Variants in VAT1L observed in about 807,000 individuals in gnomAD.
The protein encoded by VAT1L is vesicle amine transport 1 like, also known as putative NADPH-dependent quinone oxidoreductase VAT1L.
A neutral mutation model predicts 44.1 loss-of-function variants in VAT1L; 34 were observed. The observed-to-expected ratio is 0.77, with a 90% confidence interval of 0.59 to 1.03. The LOEUF is 1.03. Ranked by LOEUF, VAT1L falls within the 50% of genes least tolerant of loss-of-function variation. The pLI is 0.00. For missense variants in VAT1L, 615 were observed against 538.8 expected (o/e 1.14, Z -1.40); for synonymous variants, 253 against 202.2 (o/e 1.25, Z -2.13).
intron 3 of VAT1L, among the ~76,000 whole-genome samples, chr16:77,852,437 GT>G (rs1304017763): frequency 6.6e-6 from 1 of 152,232 alleles, no homozygotes; most frequent in African/African-American, 2.4e-5. Context: ...TATGTGGGGA[GT>G]GGGAGTCATT....
intron 7 of VAT1L, among the ~76,000 whole-genome samples, chr16:77,969,657 C>G (rs964457692): frequency 1.3e-5 from 2 of 152,050 alleles, no homozygotes; most frequent in African/African-American, 4.8e-5. Context: ...TGTATCATCA[C>G]TTTTGCTCTA....
At chr16:77,840,796 A>T (rs1202540442) in intron 3 of VAT1L, among the ~76,000 whole-genome samples, 2 of 152,138 alleles carry the variant, frequency 1.3e-5, no homozygotes, top group Non-Finnish European at 2.9e-5. Flanking sequence ...TCACCTCTCG[A>T]AGTCTCAGCT....
chr16:77,848,777 C>T (rs1311623499), intron 3 of VAT1L, among the ~76,000 whole-genome samples: 1 of 152,176 alleles, frequency 6.6e-6, no homozygotes, highest in Non-Finnish European at 1.5e-5. Flanking sequence ...GTAGCAAAAA[C>T]TTGGAACCCA....
At chr16:77,820,979 C>A (rs1011403630) in intron 2 of VAT1L, among the ~76,000 whole-genome samples, 8 of 152,172 alleles carry the variant, frequency 5.3e-5, no homozygotes, top group Admixed American at 2.0e-4. Context: ...CCCCTTTAGA[C>A]CTACAGATGT....
intron 4 of VAT1L, among the ~76,000 whole-genome samples, chr16:77,870,296 A>C (rs2017018108): frequency 1.3e-5 from 2 of 152,180 alleles, no homozygotes; most frequent in Non-Finnish European, 2.9e-5. Flanking sequence ...AGGCACTCGG[A>C]AATAGTCTCA....
At chr16:77,915,240 AG>A (rs2017540373) in intron 7 of VAT1L, among the ~76,000 whole-genome samples, 1 of 152,268 alleles carries the variant, frequency 6.6e-6, no homozygotes, top group Admixed American at 6.5e-5. Context: ...CAGACTACAT[AG>A]GCTTTACAGT....
rs116554804 is a variant in VAT1L at position 77,956,923 on chromosome 16, T to C, written c.1078-14927T>C. The stretch of plus-strand genomic sequence containing the variant: ...GTGTAGACAACAGTTATATATGGAT[T>C]ATAGAGTCAACGTATCTCAGTTTCC... On this transcript the variant is annotated intron_variant, in intron 7 of 8. Coordinates refer to ENST00000302536, the MANE Select transcript of VAT1L (RefSeq NM_020927.3). 4.1e-3 allele frequency among the ~76,000 whole-genome samples: 632 copies of C among 152,306 alleles called. 3 individuals are homozygous for C. Among genetic ancestry groups the C allele is most frequent in the African/African-American group, 0.015 (604 of 41,554 alleles).
At chr16:77,968,127 T>C (rs1420763882) in intron 7 of VAT1L, among the ~76,000 whole-genome samples, 1 of 152,168 alleles carries the variant, frequency 6.6e-6, no homozygotes, top group Non-Finnish European at 1.5e-5. Context: ...CCAACAAACT[T>C]AGAGGCACTT....
At chr16:77,796,603 C>A (rs2015937960) in intron 1 of VAT1L, among the ~76,000 whole-genome samples, 1 of 152,216 alleles carries the variant, frequency 6.6e-6, no homozygotes, top group Non-Finnish European at 1.5e-5. Flanking sequence ...CTTATTGTTA[C>A]AAAGACTAGC....
At chr16:77,887,797 C>G (rs891244206) in intron 7 of VAT1L, among the ~76,000 whole-genome samples, 1 of 152,214 alleles carries the variant, frequency 6.6e-6, no homozygotes, top group African/African-American at 2.4e-5. Flanking sequence ...GCACTGTCGT[C>G]TAAGCTGGGT....
chr16:77,841,035 A>G (rs2016699170), intron 3 of VAT1L, among the ~76,000 whole-genome samples: 1 of 152,202 alleles, frequency 6.6e-6, no homozygotes, highest in Non-Finnish European at 1.5e-5. Flanking sequence ...CATGGATTTA[A>G]AAGTTAACTA....
chr16:77,833,350 G>T (rs79806785), intron 3 of VAT1L, among the ~76,000 whole-genome samples: 1 of 152,166 alleles, frequency 6.6e-6, no homozygotes, highest in African/African-American at 2.4e-5. Flanking sequence ...ACCAGAGGAG[G>T]TGAGGGGTGG....
chr16:77,854,472 G>A (rs1296929758), intron 3 of VAT1L, among the ~76,000 whole-genome samples: 2 of 152,176 alleles, frequency 1.3e-5, no homozygotes, highest in African/African-American at 4.8e-5. Flanking sequence ...GAATTGTTGA[G>A]CAGACAAATG....
At chr16:77,810,529 G>T (rs542603520) in intron 1 of VAT1L, among the ~76,000 whole-genome samples, 6 of 152,170 alleles carry the variant, frequency 3.9e-5, no homozygotes, top group African/African-American at 9.7e-5. Context: ...GCCGGGCACG[G>T]TGGCCCAGCA....
intron 7 of VAT1L, among the ~76,000 whole-genome samples, chr16:77,903,053 C>T (rs1412884476): frequency 6.6e-6 from 1 of 150,740 alleles, no homozygotes; most frequent in Non-Finnish European, 1.5e-5. Flanking sequence ...GTAGATAATA[C>T]TTTTAATGTG....
At chr16:77,810,533 C>A (rs66492361) in intron 1 of VAT1L, among the ~76,000 whole-genome samples, 14,248 of 152,132 alleles carry the variant, frequency 0.094, 888 homozygotes, top group East Asian at 0.23. Context: ...GGCACGGTGG[C>A]CCAGCACTTC....
At chr16:77,803,417 C>CT (rs11379202) in intron 1 of VAT1L, among the ~76,000 whole-genome samples, 61,413 of 105,524 alleles carry the variant, frequency 0.58, 19,890 homozygotes, top group South Asian at 0.77. Context: ...ACTAGACATT[C>CT]TTTTTTTTTT....
Position 77,946,276 on chromosome 16 carries a change from G to GTTTTTTTT in VAT1L, c.1078-25572_1078-25571insTTTTTTTT, listed in dbSNP as rs1597114758. Among the ~76,000 whole-genome samples, 21 of 33,854 alleles carry GTTTTTTTT rather than the reference G, an allele frequency of 6.2e-4. 1 individual carries two copies. Among genetic ancestry groups the GTTTTTTTT allele is most frequent in the African/African-American group, 8.6e-4 (8 of 9,316 alleles). 22.2% of individuals were successfully genotyped at this position (33,854 alleles called of 152,430 possible). On this transcript the variant is annotated intron_variant, in intron 7 of 8. Transcript: ENST00000302536. ...CCTGTTCTGGACATCTAGGTTACTT[G>GTTTTTTTT]TTCTTTTTTTTTTTTTTTTTTTTTT...
intron 7 of VAT1L, among the ~76,000 whole-genome samples, chr16:77,939,579 A>T (rs1348641447): frequency 6.6e-6 from 1 of 152,174 alleles, no homozygotes; most frequent in African/African-American, 2.4e-5. Context: ...TAAATCCAGT[A>T]ACCTGGGTTT....
Sources: gnomAD v4.1 joint callset for allele counts (sites outside exome capture counted in the v4.1 genomes callset) on GRCh38, gnomAD v4.1.1 for gene constraint, MANE v1.5 for transcripts, NCBI Gene and HGNC (gene_info 2026-07-23, HGNC 2026-07-21) for gene names.